CLIC5: variants seen among roughly 807,000 people sequenced by gnomAD.
CLIC5 encodes the protein chloride intracellular channel protein 5.
Under a neutral mutation model 24.7 loss-of-function variants are expected in CLIC5, and 20 were observed. The ratio of observed to expected loss-of-function variants is 0.81; its 90% CI spans 0.57 to 1.18. CLIC5 has a LOEUF of 1.18. Among genes scored for constraint, CLIC5 ranks in the 50% most tolerant of loss-of-function variants. The probability of loss-of-function intolerance (pLI) is 0.00; values close to 1 mark genes in which losing one functional copy is unlikely to be tolerated. For synonymous variants in CLIC5, 159 were observed against 135.6 expected (o/e 1.17, Z -1.20); for missense variants, 341 against 326.1 (o/e 1.05, Z -0.35).
At chr6:46,079,784 C>A in exon 1 of CLIC5, 1 of 1,552,078 alleles carries the variant, frequency 6.4e-7, no homozygotes, top group Non-Finnish European at 8.7e-7. Flanking sequence ...AGCAGGAATA[C>A]TTGGTGGTAG....
chr6:45,946,844 C>T (rs141196327), intron 3 of CLIC5, among the ~76,000 whole-genome samples: 15 of 152,302 alleles, frequency 9.8e-5, no homozygotes, highest in East Asian at 3.9e-4. Flanking sequence ...TCACCCTTGG[C>T]GCCCCCACCT....
intron 4 of CLIC5, among the ~76,000 whole-genome samples, chr6:45,919,491 C>T (rs1482592594): frequency 6.6e-6 from 1 of 152,110 alleles, no homozygotes; most frequent in African/African-American, 2.4e-5. Flanking sequence ...TGACCCTCCC[C>T]CCCACCACCT....
At chr6:46,018,737 C>T (rs1167089204), upstream of CLIC5, 1 of 152,162 alleles carries the variant, frequency 6.6e-6, no homozygotes, top group Non-Finnish European at 1.5e-5. Flanking sequence ...ACTTTAAAAA[C>T]ACATTTAGTG....
chr6:45,981,658 G>T (rs1050680530), intron 1 of CLIC5, among the ~76,000 whole-genome samples: 140 of 152,264 alleles, frequency 9.2e-4, no homozygotes, highest in African/African-American at 2.9e-3. Context: ...GTTCAGTTTT[G>T]GTGGGCATCT....
chr6:46,009,065 G>C (rs934658439), intron 1 of CLIC5, among the ~76,000 whole-genome samples: 6 of 152,020 alleles, frequency 3.9e-5, no homozygotes, highest in African/African-American at 1.2e-4. Flanking sequence ...ACCTGGGCAG[G>C]TACAAGTGAA....
chr6:45,974,516 TATATATAGAGAGAGAG>T (rs1445673808), intron 1 of CLIC5, among the ~76,000 whole-genome samples: 16 of 89,956 alleles, frequency 1.8e-4, no homozygotes, highest in Middle Eastern at 0.011. Flanking sequence ...TATATATATA[TATATATAGAGAGAGAG>T]AGAGAGAGAG....
upstream of CLIC5, among the ~76,000 whole-genome samples, chr6:46,017,681 G>C (rs1042823592): frequency 6.6e-6 from 1 of 152,120 alleles, no homozygotes; most frequent in Non-Finnish European, 1.5e-5. Context: ...GCTGCCACAT[G>C]AATTGGGAAG....
At chr6:45,940,306 G>A (rs1425068260) in intron 4 of CLIC5, among the ~76,000 whole-genome samples, 4 of 152,170 alleles carry the variant, frequency 2.6e-5, no homozygotes, top group Non-Finnish European at 5.9e-5. Flanking sequence ...AGACCCTCTT[G>A]GATCAAACTG....
rs74387983 is a variant in CLIC5, at chr6:46,079,944, T to A, written c.299A>T (p.Gln100Leu). Residue 100 changes from glutamine to leucine, a missense_variant, in exon 1 of 6, where the codon CAG becomes CTG. Physicochemically the swap from Gln to Leu is moderately radical, Grantham distance 113. Coordinates refer to the CLIC5 transcript ENST00000185206. ...TTCCATTGAGATGCCCCTGTCCTCC[T>A]GGGGCTCACCTGGATGAGCCTCCTG... 7.4e-4 allele frequency: 1,143 copies of A among 1,551,726 alleles called. 14 individuals are homozygous for A. In the East Asian group the frequency reaches 0.026, roughly 35 times the overall value.
At chr6:45,925,616 C>T (rs1763455225) in intron 4 of CLIC5, among the ~76,000 whole-genome samples, 1 of 152,194 alleles carries the variant, frequency 6.6e-6, no homozygotes, top group Admixed American at 6.5e-5. Flanking sequence ...CGCTCAGCCT[C>T]ATTATTTCAC....
At chr6:46,080,094 T>C (rs1484068768) in exon 1 of CLIC5, 2 of 1,551,734 alleles carry the variant, frequency 1.3e-6, no homozygotes, top group South Asian at 2.4e-5. Flanking sequence ...GGTATTCAGC[T>C]GAGTGGCATA....
chr6:45,901,238 G>A lies in CLIC5; in HGVS notation c.*1850C>T, dbSNP rs1388344652. ...CATCTCCAGGGCACAATTTCCAGGGGGACCTGGAAAGGTTCCTTTTGAGGT... is the reference window on the plus strand; with the variant it reads ...CATCTCCAGGGCACAATTTCCAGGGAGACCTGGAAAGGTTCCTTTTGAGGT... On this transcript the variant is annotated 3_prime_UTR_variant, in exon 6 of 6. Transcript: ENST00000339561. 1.3e-5 allele frequency: 2 copies of A among 152,092 alleles called. No individual in the cohort carries two copies. The highest frequency in any genetic ancestry group is 2.4e-5 in the African/African-American group (1 of 41,394). 9.4% of individuals were successfully genotyped at this position (152,092 alleles called of 1,614,324 possible). A position where few individuals can be genotyped will look rare whatever the true frequency, so the allele number is the denominator to read the frequency against.
chr6:46,058,583 C>A (rs1026692234), intron 1 of CLIC5, among the ~76,000 whole-genome samples: 6 of 152,218 alleles, frequency 3.9e-5, no homozygotes, highest in Non-Finnish European at 8.8e-5. Context: ...GGAATATGTG[C>A]AAAGTGCCAT....
chr6:45,904,728 TCTTC>T (rs958614917), intron 5 of CLIC5, among the ~76,000 whole-genome samples: 3 of 143,214 alleles, frequency 2.1e-5, no homozygotes, highest in African/African-American at 7.9e-5. Flanking sequence ...TCTCTCCTTC[TCTTC>T]CTTCCTTCCC....
At chr6:46,066,946 C>T (rs745837074) in intron 1 of CLIC5, among the ~76,000 whole-genome samples, 11 of 151,962 alleles carry the variant, frequency 7.2e-5, no homozygotes, top group East Asian at 1.9e-4. Flanking sequence ...TCCTGGGACA[C>T]GGTGAGTGAG....
chr6:46,085,690 G>T, the CLIC5 span, among the ~76,000 whole-genome samples: 1 of 152,186 alleles, frequency 6.6e-6, no homozygotes, highest in Non-Finnish European at 1.5e-5. Context: ...CCCTACTGGG[G>T]GGTGCCTCCC....
chr6:46,046,102 A>G (rs962458227), intron 1 of CLIC5, among the ~76,000 whole-genome samples: 2 of 152,228 alleles, frequency 1.3e-5, no homozygotes, highest in African/African-American at 4.8e-5. Flanking sequence ...TTGGTGAAAC[A>G]TTAGTTTGGA....
At chr6:46,089,034 C>G in the CLIC5 span, among the ~76,000 whole-genome samples, 1 of 152,058 alleles carries the variant, frequency 6.6e-6, no homozygotes, top group Non-Finnish European at 1.5e-5. Flanking sequence ...TTAAATTTAC[C>G]TATTAATAGA....
intron 6 of CLIC5, among the ~76,000 whole-genome samples, chr6:45,892,477 C>G (rs1762362072): frequency 6.6e-6 from 1 of 152,152 alleles, no homozygotes; most frequent in Admixed American, 6.5e-5. Context: ...TAGTCTCAGA[C>G]CAGTATCTCA....
Sources: allele counts gnomAD v4.1 joint callset (sites outside exome capture counted in the v4.1 genomes callset), GRCh38; gene constraint gnomAD v4.1.1; transcripts MANE v1.5; gene names NCBI Gene and HGNC (gene_info 2026-07-23, HGNC 2026-07-21).